The following CHTF18 variants were observed in gnomAD, a reference collection of about 807,000 sequenced individuals.
CHTF18 encodes the protein chromosome transmission fidelity factor 18.
Under a neutral mutation model 113.4 loss-of-function variants are expected in CHTF18, and 151 were observed. The ratio of observed to expected loss-of-function variants is 1.33; its 90% CI spans 1.17 to 1.52. The LOEUF (loss-of-function observed/expected upper bound fraction) is 1.52. Among genes scored for constraint, CHTF18 ranks in the 40% most tolerant of loss-of-function variants. The probability of loss-of-function intolerance (pLI) is 0.00; values close to 1 mark genes in which losing one functional copy is unlikely to be tolerated. For missense variants in CHTF18, 1,982 were observed against 1,381.6 expected (o/e 1.43, Z -6.89); for synonymous variants, 916 against 598.8 (o/e 1.53, Z -7.74).
chr16:789,304 G>T lies in CHTF18; in HGVS notation c.381G>T (p.Pro127=). The T allele has an allele frequency of 6.3e-7, 1 of 1,598,610 alleles. No individual in the cohort carries two copies. Among genetic ancestry groups the T allele is most frequent in the Non-Finnish European group, 8.5e-7 (1 of 1,173,964 alleles). Residue 127 remains proline, a synonymous_variant, in exon 3 of 22, where the codon CCG becomes CCT. Transcript: ENST00000262315. ...AGCCGCCCCCTCCCGACTCCTCGCC[G>T]ACGGACATCACCCCGCCGCCGAGCC... is the stretch of plus-strand genomic sequence containing the variant. ...MEEPPPPDSS[P]TDITPPPSPE...
rs1344484759 is a variant in CHTF18, at chr16:788,628, C to CGCGACGGCG, written c.-53_-45dup. The CGCGACGGCG allele has an allele frequency of 2.9e-6, 4 of 1,373,156 alleles. No homozygotes were observed. Among genetic ancestry groups the CGCGACGGCG allele is most frequent in the Non-Finnish European group, 3.8e-6 (4 of 1,041,954 alleles). The allele number at this position is 1,373,156 out of a possible 1,614,324, so 85.1% of individuals were successfully genotyped here. The stretch of plus-strand genomic sequence containing the variant: ...CCCGGCACGCTCGGGGCGGGCAGTG[C>CGCGACGGCG]GCGACGGCGGCGGCGGCGCGGGAGG... On this transcript the variant is annotated 5_prime_UTR_variant, in exon 1 of 22. Coordinates refer to ENST00000262315, the MANE Select transcript of CHTF18 (RefSeq NM_022092.3).
intron 18 of CHTF18, 114 bp from the exon 19 acceptor site, chr16:796,603 A>C: frequency 7.8e-7 from 1 of 1,279,704 alleles, no homozygotes; most frequent in Non-Finnish European, 1.0e-6. Context: ...ACTCAGCCCC[A>C]CATTCCTGCT....
At chr16:792,896 C>T (rs1567399351) in intron 12 of CHTF18, 70 bp from the exon 13 acceptor site, 1 of 1,531,984 alleles carries the variant, frequency 6.5e-7, no homozygotes, top group Non-Finnish European at 8.8e-7. Context: ...TGCCCCTCCC[C>T]ATGGAACCCT....
rs1366615379 is a variant in CHTF18, at chr16:797,819, G to A, written c.2792-20G>A. The A allele has an allele frequency of 6.3e-7, 1 of 1,594,890 alleles. No homozygotes were observed. Among genetic ancestry groups the A allele is most frequent in the East Asian group, 2.3e-5 (1 of 44,220 alleles). On this transcript the variant is annotated intron_variant, in intron 21 of 21. Transcript: ENST00000262315. The stretch of plus-strand genomic sequence containing the variant: ...TGTGGGGGGGCCTTACAGCTGAGGA[G>A]CAACCCTGTGGCCCCGCAGGGGACA...
rs758535757 is a variant in CHTF18 at position 789,318 on chromosome 16, C to G, written c.395C>G (p.Pro132Arg). The change falls in exon 3 of 22, where the codon CCG becomes CGG. Residue 132 changes from proline (P) to arginine (R), a missense_variant. Physicochemically the swap from Pro to Arg is moderately radical, Grantham distance 103 (BLOSUM62 -2). Coordinates refer to ENST00000262315, the MANE Select transcript of CHTF18 (RefSeq NM_022092.3). ...PPDSSPTDITPPPSPEDLAEL... is the reference protein window; with the variant it reads ...PPDSSPTDITRPPSPEDLAEL... The stretch of plus-strand genomic sequence containing the variant: ...GACTCCTCGCCGACGGACATCACCC[C>G]GCCGCCGAGCCCTGAGGACCTCGCA... The G allele has an allele frequency of 3.1e-6, 5 of 1,601,086 alleles. No individual in the cohort carries two copies. Among genetic ancestry groups the G allele is most frequent in the Non-Finnish European group, 4.3e-6 (5 of 1,174,814 alleles).
Position 797,766 on chromosome 16 carries a change from G to A in CHTF18, c.2791+15G>A. The A allele has an allele frequency of 3.9e-6, 6 of 1,546,456 alleles. No individual in the cohort carries two copies. Among genetic ancestry groups the A allele is most frequent in the Non-Finnish European group, 5.3e-6 (6 of 1,138,550 alleles). ...CCCGAGTGCAGGTGTGTGTGGGGGT[G>A]TTGTGGGGTTGTGGGGGGCCTGGGG... On this transcript the variant is annotated intron_variant, in intron 21 of 21. Coordinates refer to ENST00000262315, the MANE Select transcript of CHTF18 (RefSeq NM_022092.3).
chr16:790,330 G>A lies in CHTF18; in HGVS notation c.700-17G>A. 1 of 1,612,374 alleles carries A rather than the reference G, an allele frequency of 6.2e-7. No individual in the cohort carries two copies. The highest frequency in any genetic ancestry group is 1.1e-5 in the South Asian group (1 of 90,988). On this transcript the variant is annotated splice_polypyrimidine_tract_variant and intron_variant, in intron 5 of 21. Coordinates refer to ENST00000262315, the MANE Select transcript of CHTF18 (RefSeq NM_022092.3). Reference sequence around the variant, plus strand: ...GGCCGCCTGAGCCCTCCTGATTCCAGCCTGTTGTTTGCACAGCGGCGGGAG... The same window carrying A: ...GGCCGCCTGAGCCCTCCTGATTCCAACCTGTTGTTTGCACAGCGGCGGGAG...
intron 19 of CHTF18, 41 bp downstream of exon 19, chr16:796,902 G>T (rs780160394): frequency 1.3e-6 from 2 of 1,559,004 alleles, no homozygotes; most frequent in Non-Finnish European, 1.7e-6. Context: ...CAGTCTGGGC[G>T]TGCACCATCC....
At chr16:791,698 T>G (rs2042200800) in intron 8 of CHTF18, 153 bp from the exon 9 acceptor site, 2 of 1,432,028 alleles carry the variant, frequency 1.4e-6, no homozygotes, top group Non-Finnish European at 1.8e-6. Context: ...CATCTTGGTG[T>G]GTGAAAGTGC....
At position 794,087 on chromosome 16, in the gene CHTF18, T is replaced by C. The variant is rs754914897; in HGVS notation, c.1836T>C (p.Ala612=). 3.7e-6 allele frequency: 6 copies of C among 1,612,032 alleles called. No individual in the cohort carries two copies. The highest frequency in any genetic ancestry group is 5.1e-6 in the Non-Finnish European group (6 of 1,179,674). The change falls in exon 15 of 22, where the codon GCT becomes GCC. Residue 612 remains alanine (A), a synonymous_variant. Transcript: ENST00000262315. ...RRVGQDPALP[A]DTLLLGDGDA... ...TGGGCCAGGACCCCGCCCTGCCTGC[T>C]GACACACTCCTGCTGGGTGACGGGG...
chr16:792,683 AC>A (rs2042232299), intron 11 of CHTF18, 34 bp from the exon 12 acceptor site: 2 of 1,582,398 alleles, frequency 1.3e-6, no homozygotes, highest in Non-Finnish European at 1.7e-6. Context: ...TGTGGTGCCA[AC>A]CCTGGGGTCC....
chr16:793,317 C>T (rs762115662), intron 14 of CHTF18, 43 bp downstream of exon 14: 27 of 1,597,370 alleles, frequency 1.7e-5, no homozygotes, highest in East Asian at 9.0e-5. Flanking sequence ...TCACGGTGCC[C>T]GGACCTCAGG....
At chr16:792,015 C>T (rs1567397211) in intron 9 of CHTF18, 67 bp downstream of exon 9, 3 of 1,555,236 alleles carry the variant, frequency 1.9e-6, no homozygotes, top group Non-Finnish European at 2.6e-6. Flanking sequence ...TGGTGGCGGA[C>T]CTGAAACCGG....
chr16:795,965 A>G lies in CHTF18; in HGVS notation c.2344A>G (p.Ser782Gly), dbSNP rs2151649522. 10 of 1,609,646 alleles carry G rather than the reference A, an allele frequency of 6.2e-6. No homozygotes were observed. Among genetic ancestry groups the G allele is most frequent in the South Asian group, 2.2e-5 (2 of 90,392 alleles). The change falls in exon 18 of 22, where the codon AGC (serine) becomes GGC (glycine). Residue 782 changes from serine (S) to glycine (G), a missense_variant. Ser to Gly is a moderately conservative substitution (Grantham distance 56). Coordinates refer to ENST00000262315, the MANE Select transcript of CHTF18 (RefSeq NM_022092.3). Reference sequence around the variant, plus strand: ...CCCCTAGGTGAGCACACAGCTGTACAGCACCCGTGAAAAGCAACAGCTGGC... The same window carrying G: ...CCCCTAGGTGAGCACACAGCTGTACGGCACCCGTGAAAAGCAACAGCTGGC... ...KLRPVSTQLY[S>G]TREKQQLASL...
Position 792,736 on chromosome 16 carries a change from G to A in CHTF18, c.1497G>A (p.Arg499=). Residue 499 remains arginine, a synonymous_variant, in exon 12 of 22, where the codon CGG becomes CGA. Transcript: ENST00000262315. ...TCCTCAGGTTCGCACCGTCCCTGCG[G>A]CAGCTGAAGCAGCAGGCCTTCCTGC... ...ICNDQFAPSL[R]QLKQQAFLLH... The A allele has an allele frequency of 1.3e-6, 2 of 1,554,678 alleles. No homozygotes were observed. Among genetic ancestry groups the A allele is most frequent in the Non-Finnish European group, 1.7e-6 (2 of 1,154,520 alleles).
chr16:789,923 G>A (rs549435502), intron 4 of CHTF18: 32 of 1,478,184 alleles, frequency 2.2e-5, no homozygotes, highest in Middle Eastern at 1.7e-4. Flanking sequence ...GTATGGCCTC[G>A]GGTGGAGAGG....
At chr16:797,558 C>G (rs1037850679) in intron 20 of CHTF18, 136 bp from the exon 21 acceptor site, 44 of 874,624 alleles carry the variant, frequency 5.0e-5, no homozygotes, top group Non-Finnish European at 7.8e-5. Context: ...GGCAGCTGGC[C>G]TGGGCCAGGT....
rs2277902 is a variant in CHTF18, at chr16:789,027, C to T, written c.188C>T (p.Ser63Phe). 0.014 allele frequency: 21,784 copies of T among 1,534,230 alleles called. 649 individuals are homozygous for T. The highest frequency in any genetic ancestry group is 0.12 in the African/African-American group (8,741 of 72,362). ...EEALARGDAA[S>F]SPAPAASVGS... is the part of the protein sequence containing the mutation. ...GCCCTTGCCAGAGGGGACGCGGCCT[C>T]CAGTCCCGCCCCAGCCGCATCTGTG... Residue 63 changes from serine (S) to phenylalanine (F), a missense_variant, in exon 2 of 22, where the codon TCC becomes TTC. By Grantham distance (155) the Ser-to-Phe change is radical (BLOSUM62 -2). Coordinates refer to ENST00000262315, the MANE Select transcript of CHTF18 (RefSeq NM_022092.3).
intron 16 of CHTF18, 97 bp downstream of exon 16, chr16:795,453 A>C (rs201845456): frequency 0.022 from 3,325 of 154,060 alleles, 310 homozygotes; most frequent in African/African-American, 0.1. Context: ...GCCCCCCCAA[A>C]CACACTGCCC....
Sources: allele counts gnomAD v4.1 joint callset, GRCh38; gene constraint gnomAD v4.1.1; transcripts MANE v1.5; gene names NCBI Gene and HGNC (gene_info 2026-07-23, HGNC 2026-07-21).